CDIN1: variants seen among roughly 807,000 people sequenced by gnomAD.
CDIN1 encodes the protein CDAN1-interacting nuclease 1.
Under a neutral mutation model 45.3 loss-of-function variants are expected in CDIN1, and 33 were observed. The observed-to-expected ratio is 0.73, with a 90% CI of 0.55 to 0.97. The LOEUF (loss-of-function observed/expected upper bound fraction) is 0.97, where lower values mean the gene tolerates loss of function less well. CDIN1 is among the 50% of genes least tolerant of loss of function. The pLI is 0.00. For missense variants in CDIN1, 303 were observed against 339.4 expected, an observed-to-expected ratio of 0.89 and a Z score of 0.84; for synonymous variants, 118 against 124.4, an observed-to-expected ratio of 0.95 and a Z score of 0.34.
chr15:36,622,515 T>C (rs1205265258), intron 1 of CDIN1, among the ~76,000 whole-genome samples: 1 of 152,226 alleles, frequency 6.6e-6, no homozygotes, highest in African/African-American at 2.4e-5. Context: ...GAGCAAATTC[T>C]TGAGTAACTG....
At chr15:36,708,130 A>T (rs756327588) in intron 8 of CDIN1, 3 of 152,226 alleles carry the variant, frequency 2.0e-5, no homozygotes, top group African/African-American at 4.8e-5. Flanking sequence ...GTTTCTGAAC[A>T]TTGGCCATGA....
At chr15:36,613,840 T>C in intron 1 of CDIN1, 4 of 1,599,712 alleles carry the variant, frequency 2.5e-6, no homozygotes, top group Non-Finnish European at 3.4e-6. Context: ...AAGAGGCAGA[T>C]AGGAAGTATG....
intron 1 of CDIN1, among the ~76,000 whole-genome samples, chr15:36,619,630 AG>A (rs918993914): frequency 4.6e-5 from 7 of 151,740 alleles, no homozygotes; most frequent in African/African-American, 1.7e-4. Flanking sequence ...TTCAGCTTGG[AG>A]GAAAAAAAAA....
intron 10 of CDIN1, among the ~76,000 whole-genome samples, chr15:36,801,927 T>TA (rs1179695158): frequency 1.3e-5 from 2 of 152,204 alleles, no homozygotes; most frequent in Non-Finnish European, 2.9e-5. Flanking sequence ...ACATCAAACT[T>TA]AGAGTTATTC....
intron 5 of CDIN1, among the ~76,000 whole-genome samples, chr15:36,686,890 GGAGA>G (rs1169807356): frequency 9.6e-5 from 12 of 124,668 alleles, no homozygotes; most frequent in East Asian, 2.6e-4. Context: ...AGGGAGGGTG[GGAGA>G]GAGAGAGGGA....
rs1463621188 is a variant in CDIN1, at chr15:36,737,747, A to AG, written c.716+27786_716+27787insG. The stretch of plus-strand genomic sequence containing the variant: ...AAGAATGTAAAGTAATTTAACCCAA[A>AG]TAAGAATACTCATATACAGGGAAAT... On this transcript the variant is annotated intron_variant, in intron 10 of 10. Transcript: ENST00000566621. Among the ~76,000 whole-genome samples, 6 of 152,224 alleles carry AG rather than the reference A, an allele frequency of 3.9e-5. No individual in the cohort carries two copies. The East Asian group carries it at 1.2e-3, about 29-fold the overall frequency.
At chr15:36,652,814 T>C (rs531569342) in intron 3 of CDIN1, among the ~76,000 whole-genome samples, 2 of 152,294 alleles carry the variant, frequency 1.3e-5, no homozygotes, top group South Asian at 4.1e-4. Flanking sequence ...CATGAAATAA[T>C]ATAATTTAGT....
intron 10 of CDIN1, among the ~76,000 whole-genome samples, chr15:36,789,034 C>T (rs1254325205): frequency 1.3e-5 from 2 of 152,190 alleles, no homozygotes; most frequent in Non-Finnish European, 2.9e-5. Context: ...AATACACTAA[C>T]ACTAATAATA....
intron 7 of CDIN1, 26 bp downstream of exon 7, chr15:36,692,201 T>C (rs770569912): frequency 6.2e-7 from 1 of 1,609,780 alleles, no homozygotes; most frequent in Non-Finnish European, 8.5e-7. Context: ...AAATTTTAGG[T>C]GCGCAATTGA....
chr15:36,800,944 T>TATATATATATATGA (rs1595620164), intron 10 of CDIN1, among the ~76,000 whole-genome samples: 1 of 123,478 alleles, frequency 8.1e-6, no homozygotes, highest in Non-Finnish European at 1.8e-5. Flanking sequence ...TATATATATA[T>TATATATATATATGA]GATTCTCTGC....
At chr15:36,791,661 A>T (rs1226796297) in intron 10 of CDIN1, among the ~76,000 whole-genome samples, 2 of 152,072 alleles carry the variant, frequency 1.3e-5, no homozygotes, top group Non-Finnish European at 2.9e-5. Context: ...CTAGTATTGA[A>T]TGAGTATTTG....
At chr15:36,702,103 C>T in intron 8 of CDIN1, 1 of 702,056 alleles carries the variant, frequency 1.4e-6, no homozygotes, top group Non-Finnish European at 2.6e-6. Flanking sequence ...AGTAAGAGAC[C>T]AGAAATGGAA....
chr15:36,713,649 C>G (rs181914378), intron 10 of CDIN1, among the ~76,000 whole-genome samples: 8 of 152,214 alleles, frequency 5.3e-5, no homozygotes, highest in Admixed American at 5.2e-4. Context: ...TTCACAGTGC[C>G]TGGCAGTCAA....
chr15:36,741,458 C>CTT (rs541497919), intron 10 of CDIN1, among the ~76,000 whole-genome samples: 2,140 of 130,502 alleles, frequency 0.016, 53 homozygotes, highest in African/African-American at 0.056. Flanking sequence ...ATTTGAAAAG[C>CTT]TTTTTTTTTT....
chr15:36,633,384 T>C (rs2039760827), intron 1 of CDIN1, among the ~76,000 whole-genome samples: 1 of 152,176 alleles, frequency 6.6e-6, no homozygotes, highest in Non-Finnish European at 1.5e-5. Context: ...TTAGTGCTTA[T>C]CAGTCTCATA....
In CDIN1 at chr15:36,787,994, C is replaced by T. The variant is rs965598686; in HGVS notation, c.717-20330C>T. ...TACAACTCACAATTGTGAAATTGAA[C>T]TAAGACCAATATATTTTCACTTACC... On this transcript the variant is annotated intron_variant, in intron 10 of 10. Coordinates refer to ENST00000566621, the MANE Select transcript of CDIN1 (RefSeq NM_001321759.2). Among the ~76,000 whole-genome samples, 11 of 144,862 alleles carry T rather than the reference C, an allele frequency of 7.6e-5. No individual in the cohort carries two copies. In the East Asian group the frequency reaches 2.2e-3, roughly 29 times the overall value.
intron 10 of CDIN1, among the ~76,000 whole-genome samples, chr15:36,712,455 G>C (rs1237623342): frequency 6.6e-6 from 1 of 151,628 alleles, no homozygotes; most frequent in East Asian, 1.9e-4. Context: ...TAGTAGACAG[G>C]GGGTTTTACC....
chr15:36,787,054 G>C (rs1308905132), intron 10 of CDIN1, among the ~76,000 whole-genome samples: 2 of 152,046 alleles, frequency 1.3e-5, no homozygotes, highest in Non-Finnish European at 2.9e-5. Context: ...TCTTGTCTAG[G>C]TACCTGTCTT....
intron 1 of CDIN1, among the ~76,000 whole-genome samples, chr15:36,581,543 T>C (rs1323756631): frequency 6.6e-6 from 1 of 152,186 alleles, no homozygotes; most frequent in African/African-American, 2.4e-5. Context: ...AAACTTTATT[T>C]AGAGAGAGCT....
Sources: allele counts gnomAD v4.1 joint callset (sites outside exome capture counted in the v4.1 genomes callset), GRCh38; gene constraint gnomAD v4.1.1; transcripts MANE v1.5; gene names NCBI Gene and HGNC (gene_info 2026-07-23, HGNC 2026-07-21).